Variants in FAM163A observed in about 807,000 individuals in gnomAD.
The protein encoded by FAM163A is protein FAM163A.
In FAM163A, 7 loss-of-function variants were observed where a neutral mutation model predicts 12.0. That is an observed-to-expected ratio of 0.58 (90% CI 0.33 to 1.10). The LOEUF (loss-of-function observed/expected upper bound fraction) is 1.10. Among genes scored for constraint, FAM163A ranks in the 50% least tolerant of loss-of-function variants. The probability of loss-of-function intolerance (pLI) is 0.03; values close to 1 mark genes in which losing one functional copy is unlikely to be tolerated. For synonymous variants in FAM163A, 101 were observed against 91.0 expected (o/e 1.11, Z -0.62); for missense variants, 202 against 218.6 (o/e 0.92, Z 0.48).
Position 179,814,208 on chromosome 1 carries a change from G to T in FAM163A, c.*19G>T, listed in dbSNP as rs374536173. 4 of 1,584,576 alleles carry T rather than the reference G, an allele frequency of 2.5e-6. No individual in the cohort carries two copies. Among genetic ancestry groups the T allele is most frequent in the South Asian group, 2.3e-5 (2 of 86,788 alleles). ...CGTGTAAATCCTTCCACCCCGACCC[G>T]CACACACACCCACACTGCTGCCCTG... On this transcript the variant is annotated 3_prime_UTR_variant, in exon 5 of 5. Coordinates refer to ENST00000341785, the MANE Select transcript of FAM163A (RefSeq NM_173509.3).
At chr1:179,728,806 A>G in the FAM163A span, among the ~76,000 whole-genome samples, 1 of 152,218 alleles carries the variant, frequency 6.6e-6, no homozygotes, top group Non-Finnish European at 1.5e-5. Context: ...AGCGGAAGGC[A>G]AAGATGACTA....
At chr1:179,788,486 G>A (rs1335555245) in intron 1 of FAM163A, among the ~76,000 whole-genome samples, 2 of 152,166 alleles carry the variant, frequency 1.3e-5, no homozygotes, top group African/African-American at 4.8e-5. Flanking sequence ...GACAAAGCCT[G>A]TGAGAACCGG....
Position 179,813,187 on chromosome 1 carries a change from C to G in FAM163A, c.90C>G (p.Leu30=). The G allele has an allele frequency of 1.3e-6, 2 of 1,551,686 alleles. No individual in the cohort carries two copies. Among genetic ancestry groups the G allele is most frequent in the Non-Finnish European group, 1.7e-6 (2 of 1,146,930 alleles). ...CIIAVLCYCR[L]QYYCCKKSGT... ...TTGCCGTCCTGTGCTACTGCAGGCT[C>G]CAGGTCAGTCCCCGGGACCCGTAGC... The change falls in exon 4 of 5, where the codon CTC becomes CTG. Residue 30 remains leucine, a synonymous_variant. Transcript: ENST00000341785.
chr1:179,736,897 T>C, the FAM163A span, among the ~76,000 whole-genome samples: 1 of 152,156 alleles, frequency 6.6e-6, no homozygotes, highest in Admixed American at 6.5e-5. Context: ...ACACTGTTGG[T>C]TGGAATGTAA....
At chr1:179,810,482 G>A (rs746956347) in intron 2 of FAM163A, among the ~76,000 whole-genome samples, 15 of 152,152 alleles carry the variant, frequency 9.9e-5, no homozygotes, top group Non-Finnish European at 2.1e-4. Flanking sequence ...TCCCAGCCTC[G>A]CCAGATCCCT....
At chr1:179,761,264 C>T (rs780158066) in intron 1 of FAM163A, among the ~76,000 whole-genome samples, 1 of 152,272 alleles carries the variant, frequency 6.6e-6, no homozygotes, top group South Asian at 2.1e-4. Context: ...TTATCTTTTA[C>T]GTAATTTAAC....
chr1:179,761,889 C>G (rs958453783), intron 1 of FAM163A, among the ~76,000 whole-genome samples: 7 of 152,036 alleles, frequency 4.6e-5, no homozygotes, highest in Non-Finnish European at 8.8e-5. Flanking sequence ...TACCTCACAG[C>G]AGTTCTGGGA....
At chr1:179,764,648 C>T (rs560288383) in intron 1 of FAM163A, among the ~76,000 whole-genome samples, 4 of 152,138 alleles carry the variant, frequency 2.6e-5, no homozygotes, top group African/African-American at 4.8e-5. Flanking sequence ...GATGGTTGTT[C>T]GCCCTAGAGG....
chr1:179,783,758 T>A (rs1204521417), intron 1 of FAM163A, among the ~76,000 whole-genome samples: 1 of 145,146 alleles, frequency 6.9e-6, no homozygotes, highest in Non-Finnish European at 1.5e-5. Flanking sequence ...TATATATATA[T>A]TATATAATTT....
At chr1:179,729,326 T>A in the FAM163A span, among the ~76,000 whole-genome samples, 1 of 152,350 alleles carries the variant, frequency 6.6e-6, no homozygotes, top group African/African-American at 2.4e-5. Flanking sequence ...GTTAGGTACA[T>A]AATATAGACA....
intron 1 of FAM163A, among the ~76,000 whole-genome samples, chr1:179,751,983 C>A (rs1456466551): frequency 6.6e-6 from 1 of 152,102 alleles, no homozygotes; most frequent in South Asian, 2.1e-4. Flanking sequence ...CCACAAAAGA[C>A]CCCAAATAGC....
At chr1:179,769,167 A>G (rs1687918320) in intron 1 of FAM163A, among the ~76,000 whole-genome samples, 1 of 152,108 alleles carries the variant, frequency 6.6e-6, no homozygotes, top group African/African-American at 2.4e-5. Context: ...TTACTTTGAG[A>G]CAAGATCTCG....
intron 1 of FAM163A, among the ~76,000 whole-genome samples, chr1:179,749,255 G>A (rs1684928255): frequency 6.6e-6 from 1 of 152,204 alleles, no homozygotes. Flanking sequence ...GGAAAAGCAT[G>A]GTCTCTATAC....
Position 179,813,179 on chromosome 1 carries a change from T to TG in FAM163A, c.83dup (p.Cys28TrpfsTer84). 1.9e-6 allele frequency: 3 copies of TG among 1,551,784 alleles called. No homozygotes were observed. The highest frequency in any genetic ancestry group is 2.6e-6 in the Non-Finnish European group (3 of 1,147,000). ...CTGCATCATTGCCGTCCTGTGCTACTGCAGGCTCCAGGTCAGTCCCCGGGA... is the reference window on the plus strand; with the variant it reads ...CTGCATCATTGCCGTCCTGTGCTACTGGCAGGCTCCAGGTCAGTCCCCGGGA... On this transcript the variant is annotated frameshift_variant, in exon 4 of 5. Coordinates refer to ENST00000341785, the MANE Select transcript of FAM163A (RefSeq NM_173509.3). LOFTEE classifies it high-confidence loss of function.
chr1:179,758,423 A>G (rs1686331638), intron 1 of FAM163A, among the ~76,000 whole-genome samples: 1 of 152,204 alleles, frequency 6.6e-6, no homozygotes, highest in South Asian at 2.1e-4. Context: ...GAGAAAAACA[A>G]CAGAAAGAAA....
intron 1 of FAM163A, among the ~76,000 whole-genome samples, chr1:179,805,753 C>T (rs771412258): frequency 2.4e-4 from 37 of 152,142 alleles, no homozygotes; most frequent in African/African-American, 4.8e-5. Flanking sequence ...TGGCCGGGAT[C>T]GAAATTCGGG....
chr1:179,802,508 A>G lies in FAM163A; in HGVS notation c.-135-5290A>G, dbSNP rs139092204. ...CTGAGGTTGCCTCCAAGTCCCCGCC[A>G]TCATAAACAGCCCAGCAACGGTAAC... On this transcript the variant is annotated intron_variant, in intron 1 of 4. Transcript: ENST00000341785. 9.5e-3 allele frequency among the ~76,000 whole-genome samples: 1,440 copies of G among 152,284 alleles called. 22 individuals carry two copies. Among genetic ancestry groups the G allele is most frequent in the African/African-American group, 0.033 (1,372 of 41,548 alleles).
At chr1:179,758,803 C>T (rs530911446) in intron 1 of FAM163A, among the ~76,000 whole-genome samples, 2 of 152,290 alleles carry the variant, frequency 1.3e-5, no homozygotes, top group South Asian at 4.1e-4. Context: ...TGCCTCAGCC[C>T]CTTCCTTAGG....
intron 1 of FAM163A, among the ~76,000 whole-genome samples, chr1:179,797,766 C>T (rs1692549177): frequency 6.6e-6 from 1 of 152,126 alleles, no homozygotes; most frequent in Non-Finnish European, 1.5e-5. Context: ...GTTTTGCTCT[C>T]TCAGAATACT....
Sources: gnomAD v4.1 joint callset for allele counts (sites outside exome capture counted in the v4.1 genomes callset) on GRCh38, gnomAD v4.1.1 for gene constraint, MANE v1.5 for transcripts, NCBI Gene and HGNC (gene_info 2026-07-23, HGNC 2026-07-21) for gene names.